Variants in TENM2 observed in about 807,000 individuals in gnomAD.
The protein encoded by TENM2 is teneurin transmembrane protein 2.
Under a neutral mutation model 245.2 loss-of-function variants are expected in TENM2, and 52 were observed. The observed-to-expected ratio is 0.21, with a 90% CI of 0.17 to 0.27. TENM2 has a LOEUF of 0.27. Among genes scored for constraint, TENM2 ranks in the 10% least tolerant of loss-of-function variants. The pLI is 1.00. For synonymous variants in TENM2, 1,363 were observed against 1,438.9 expected (o/e 0.95, Z 1.19); for missense variants, 3,046 against 3,666.8 (o/e 0.83, Z 4.37).
At chr5:167,090,214 T>C in the TENM2 span, among the ~76,000 whole-genome samples, 16 of 150,698 alleles carry the variant, frequency 1.1e-4, no homozygotes, top group Admixed American at 9.9e-4. Flanking sequence ...TTAAAACAAA[T>C]AGTTAATTCA....
chr5:168,204,544 G>A (rs748023592), exon 19 of TENM2: 2 of 1,613,916 alleles, frequency 1.2e-6, no homozygotes, highest in Non-Finnish European at 1.7e-6. Context: ...GAATCGATGG[G>A]AGCCTCTATG....
intron 2 of TENM2, among the ~76,000 whole-genome samples, chr5:167,424,274 C>A (rs1561943263): frequency 6.6e-6 from 1 of 152,002 alleles, no homozygotes. Context: ...TGCAGCAGCC[C>A]CAGAGTACTT....
At chr5:168,145,035 C>G (rs1477473306) in intron 12 of TENM2, among the ~76,000 whole-genome samples, 1 of 151,580 alleles carries the variant, frequency 6.6e-6, no homozygotes, top group African/African-American at 2.4e-5. Flanking sequence ...TTGTTTGTTT[C>G]TTTCTTGTAA....
chr5:168,024,745 G>A (rs1786457371), intron 5 of TENM2, among the ~76,000 whole-genome samples: 1 of 152,158 alleles, frequency 6.6e-6, no homozygotes, highest in African/African-American at 2.4e-5. Flanking sequence ...CTGACAGTAA[G>A]AAAGGGCCAC....
chr5:168,158,326 T>C (rs1757373972), intron 12 of TENM2, among the ~76,000 whole-genome samples: 1 of 152,160 alleles, frequency 6.6e-6, no homozygotes, highest in South Asian at 2.1e-4. Flanking sequence ...AGGAAGTCTC[T>C]ATTATCTTCT....
the TENM2 span, among the ~76,000 whole-genome samples, chr5:167,079,722 T>G: frequency 3.2e-4 from 48 of 152,324 alleles, no homozygotes; most frequent in Non-Finnish European, 5.7e-4. Context: ...TTTATAAAGT[T>G]TATCTTCGAA....
At position 167,374,263 on chromosome 5, in the gene TENM2, A is replaced by G. The variant is rs546520138; in HGVS notation, c.227-935A>G. On this transcript the variant is annotated intron_variant, in intron 1 of 28. Transcript: ENST00000518659. The stretch of plus-strand genomic sequence containing the variant: ...CTTGCCACTATGTTACTTTGCCTAC[A>G]GTATTCAGTACATAACATGCTGTGC... Among the ~76,000 whole-genome samples the G allele has an allele frequency of 6.1e-4, 93 of 152,320 alleles. 2 individuals are homozygous for G. Among genetic ancestry groups the G allele is most frequent in the African/African-American group, 2.2e-3 (91 of 41,594 alleles).
chr5:167,330,512 C>G (rs35441103), intron 1 of TENM2, among the ~76,000 whole-genome samples: 37,204 of 151,828 alleles, frequency 0.25, 5,559 homozygotes, highest in Non-Finnish European at 0.34. Flanking sequence ...AGAGTGAGAA[C>G]GAGCTGTTTT....
chr5:167,122,424 CT>C, the TENM2 span, among the ~76,000 whole-genome samples: 3 of 152,082 alleles, frequency 2.0e-5, no homozygotes, highest in Non-Finnish European at 4.4e-5. Flanking sequence ...TGTCCTTTTC[CT>C]TCTCTTCCTC....
intron 2 of TENM2, among the ~76,000 whole-genome samples, chr5:167,751,546 A>T (rs1761960487): frequency 6.6e-6 from 1 of 152,156 alleles, no homozygotes; most frequent in South Asian, 2.1e-4. Context: ...AGAAAGAGAG[A>T]GGTCACTTTT....
chr5:167,841,761 G>T (rs1393032248), intron 2 of TENM2, among the ~76,000 whole-genome samples: 2 of 151,988 alleles, frequency 1.3e-5, no homozygotes, highest in African/African-American at 2.4e-5. Context: ...CTAGTCCAGG[G>T]TTCATTTCAG....
At chr5:167,389,008 C>T (rs1761603557) in intron 2 of TENM2, among the ~76,000 whole-genome samples, 4 of 152,042 alleles carry the variant, frequency 2.6e-5, no homozygotes, top group South Asian at 4.1e-4. Context: ...CTCTGTGTTA[C>T]TTTCTAAAGA....
chr5:168,143,262 C>T (rs1196357505), intron 12 of TENM2, among the ~76,000 whole-genome samples: 2 of 139,406 alleles, frequency 1.4e-5, no homozygotes, highest in Admixed American at 7.5e-5. Flanking sequence ...GAAAGTCTTA[C>T]TCTTTTTTTT....
At chr5:168,237,600 T>C in intron 25 of TENM2, among the ~76,000 whole-genome samples, 1 of 152,106 alleles carries the variant, frequency 6.6e-6, no homozygotes, top group East Asian at 1.9e-4. Context: ...AAACCGCCAC[T>C]CAAACTCGGG....
At chr5:167,865,426 A>AC in intron 2 of TENM2, among the ~76,000 whole-genome samples, 1 of 151,958 alleles carries the variant, frequency 6.6e-6, no homozygotes, top group East Asian at 1.9e-4. Flanking sequence ...GGCGCACACC[A>AC]CCGAGCCTGG....
chr5:168,179,989 T>G (rs1178836644), intron 13 of TENM2, among the ~76,000 whole-genome samples: 1 of 152,218 alleles, frequency 6.6e-6, no homozygotes, highest in East Asian at 1.9e-4. Flanking sequence ...TAAAATGCAC[T>G]GGCCTTGGGA....
At chr5:168,215,664 G>A (rs959120509) in intron 21 of TENM2, among the ~76,000 whole-genome samples, 13 of 152,198 alleles carry the variant, frequency 8.5e-5, no homozygotes, top group Non-Finnish European at 1.5e-4. Flanking sequence ...GCGAGACTCC[G>A]TCTCAAAAAA....
chr5:168,219,630 T>C (rs1267545420), intron 23 of TENM2, among the ~76,000 whole-genome samples: 1 of 152,008 alleles, frequency 6.6e-6, no homozygotes, highest in African/African-American at 2.4e-5. Flanking sequence ...AATGGTGGGA[T>C]GCTGGTTGGA....
At chr5:168,063,617 TA>T in intron 7 of TENM2, among the ~76,000 whole-genome samples, 1 of 152,206 alleles carries the variant, frequency 6.6e-6, no homozygotes, top group Admixed American at 6.5e-5. Flanking sequence ...CTTAAAGCTA[TA>T]AAAAAACCCA....
Sources: allele counts gnomAD v4.1 joint callset (sites outside exome capture counted in the v4.1 genomes callset), GRCh38; gene constraint gnomAD v4.1.1; transcripts MANE v1.5; gene names NCBI Gene and HGNC (gene_info 2026-07-23, HGNC 2026-07-21).